Variants in GFAP observed in about 807,000 individuals in gnomAD.
The protein encoded by GFAP is intermediate filament protein.
GFAP carries 38 observed loss-of-function variants against 49.3 expected under a neutral mutation model. The ratio of observed to expected loss-of-function variants is 0.77; its 90% CI spans 0.60 to 1.01. GFAP has a LOEUF of 1.01. Ranked by LOEUF, GFAP falls within the 50% of genes least tolerant of loss-of-function variation. The pLI is 0.00. For synonymous variants in GFAP, 222 were observed against 236.4 expected (o/e 0.94, Z 0.56); for missense variants, 463 against 579.1 (o/e 0.80, Z 2.06).
At position 44,903,789 on chromosome 17, in the gene GFAP, C is replaced by A. The variant is rs984874147; in HGVS notation, c.*3558G>T. On this transcript the variant is annotated 3_prime_UTR_variant, in exon 9 of 9. Transcript: ENST00000588735. ...AGGAGCCCTATGAGCCTTTAATGCCCTGGTTTTGCCCTGCCCCTCTGACCC... is the reference window on the plus strand; with the variant it reads ...AGGAGCCCTATGAGCCTTTAATGCCATGGTTTTGCCCTGCCCCTCTGACCC... The A allele has an allele frequency of 2.1e-5, 32 of 1,517,014 alleles. No individual in the cohort carries two copies. The highest frequency in any genetic ancestry group is 2.8e-5 in the Non-Finnish European group (32 of 1,130,748). 94.0% of individuals were successfully genotyped at this position (1,517,014 alleles called of 1,614,324 possible).
chr17:44,909,017 C>T (rs1448769472), intron 7 of GFAP: 2 of 152,122 alleles, frequency 1.3e-5, no homozygotes, highest in African/African-American at 4.8e-5. Context: ...ACGAGAATTG[C>T]TTGAACCTGG....
chr17:44,905,528 G>T lies in GFAP; in HGVS notation c.*1819C>A. The stretch of plus-strand genomic sequence containing the variant: ...CGGGTGGAATTTGGTGAGGGCATGG[G>T]CCCCAGAGATGATCAGTAATAAGAA... On this transcript the variant is annotated 3_prime_UTR_variant, in exon 9 of 9. Transcript: ENST00000588735. 5.8e-6 allele frequency: 1 copy of T among 173,884 alleles called. No homozygotes were observed. 10.8% of individuals were successfully genotyped at this position (173,884 alleles called of 1,614,324 possible).
chr17:44,903,552 C>T lies in GFAP; in HGVS notation c.*3795G>A. 7.3e-7 allele frequency: 1 copy of T among 1,361,326 alleles called. No homozygotes were observed. Among genetic ancestry groups the T allele is most frequent in the South Asian group, 2.0e-5 (1 of 49,402 alleles). 84.3% of individuals were successfully genotyped at this position (1,361,326 alleles called of 1,614,324 possible). Reference sequence around the variant, plus strand: ...CCTTTGACCCATTCTTGGGTGAGCGCCAGTGTTCTAGAAAGGGGAGTAAAG... The same window carrying T: ...CCTTTGACCCATTCTTGGGTGAGCGTCAGTGTTCTAGAAAGGGGAGTAAAG... On this transcript the variant is annotated 3_prime_UTR_variant, in exon 9 of 9. Transcript: ENST00000588735.
chr17:44,904,314 A>G lies in GFAP; in HGVS notation c.*3033T>C, dbSNP rs1400247022. 1 of 1,545,348 alleles carries G rather than the reference A, an allele frequency of 6.5e-7. No homozygotes were observed. Among genetic ancestry groups the G allele is most frequent in the African/African-American group, 1.4e-5 (1 of 72,942 alleles). ...GGCCAGGAGCCCTTTGCAGATGAAT[A>G]CTATGGGCACCTCCATGTCTTCACC... is the stretch of plus-strand genomic sequence containing the variant. On this transcript the variant is annotated 3_prime_UTR_variant, in exon 9 of 9. Coordinates refer to ENST00000588735, the MANE Select transcript of GFAP (RefSeq NM_002055.5).
At chr17:44,912,082 C>T (rs1283130902) in intron 4 of GFAP, among the ~76,000 whole-genome samples, 2 of 152,032 alleles carry the variant, frequency 1.3e-5, no homozygotes, top group African/African-American at 4.8e-5. Context: ...TCGTCTTAGG[C>T]GAGCGGAGGC....
chr17:44,915,127 C>T lies in GFAP; in HGVS notation c.360G>A (p.Leu120=). 6.2e-7 allele frequency: 1 copy of T among 1,614,106 alleles called. No homozygotes were observed. Among genetic ancestry groups the T allele is most frequent in the Non-Finnish European group, 8.5e-7 (1 of 1,180,030 alleles). Residue 120 remains leucine, a synonymous_variant, in exon 1 of 9, where the codon CTG becomes CTA. Transcript: ENST00000588735. This position sits in a 1 kb window ranked among gnomAD's most constrained non-coding sequence, Gnocchi z 4.1. ...GATCGAGCCGCAGCCGCAGCTCTCGCAGCTCAGCCTGGTAGACGTCTGCCA... is the reference window on the plus strand; with the variant it reads ...GATCGAGCCGCAGCCGCAGCTCTCGTAGCTCAGCCTGGTAGACGTCTGCCA... ...TKLADVYQAE[L]RELRLRLDQL... is the part of the protein sequence containing the mutation.
chr17:44,909,655 C>T (rs369563017), intron 7 of GFAP: 8 of 230,382 alleles, frequency 3.5e-5, no homozygotes, highest in East Asian at 4.4e-4. Flanking sequence ...AAATATAACA[C>T]GTCACATTCA....
At position 44,904,401 on chromosome 17, in the gene GFAP, G is replaced by C; in HGVS notation, c.*2946C>G. ...GTGCGTGGGGAGCAGTGGCGCATCG[G>C]CCTCTGCTACCTGCAGAGCCCAGAC... On this transcript the variant is annotated 3_prime_UTR_variant, in exon 9 of 9. Coordinates refer to ENST00000588735, the MANE Select transcript of GFAP (RefSeq NM_002055.5). The C allele has an allele frequency of 6.5e-7, 1 of 1,542,428 alleles. No homozygotes were observed. Among genetic ancestry groups the C allele is most frequent in the Non-Finnish European group, 8.8e-7 (1 of 1,140,954 alleles).
intron 6 of GFAP, 132 bp from the exon 7 acceptor site, chr17:44,910,790 T>G: frequency 7.5e-7 from 1 of 1,341,424 alleles, no homozygotes; most frequent in Non-Finnish European, 1.0e-6. Flanking sequence ...ATCTCCTAGC[T>G]TTTTCCCCAG....
In GFAP at chr17:44,913,602, C is replaced by T. The variant is rs560338517; in HGVS notation, c.618+126G>A. 5.1e-4 allele frequency: 533 copies of T among 1,038,432 alleles called. 3 individuals are homozygous for T. Among genetic ancestry groups the T allele is most frequent in the Admixed American group, 1.2e-4 (7 of 59,192 alleles). 64.3% of individuals were successfully genotyped at this position (1,038,432 alleles called of 1,614,324 possible). On this transcript the variant is annotated intron_variant, in intron 3 of 8. Transcript: ENST00000588735. Reference sequence around the variant, plus strand: ...GTTTGTCTTTCATTTCCTGTCTCTACCTGCCAATCTCTGTTTCTCTCCTCT... The same window carrying T: ...GTTTGTCTTTCATTTCCTGTCTCTATCTGCCAATCTCTGTTTCTCTCCTCT...
rs754484687 is a variant in GFAP at position 44,915,384 on chromosome 17, T to C, written c.103A>G (p.Thr35Ala). Reference sequence around the variant, plus strand: ...GGCATTCGAGCCAGGGAGAGGCGGGTGCCAGGACCCAGACGGCGGCCAGGA... The same window carrying C: ...GGCATTCGAGCCAGGGAGAGGCGGGCGCCAGGACCCAGACGGCGGCCAGGA... ...LAPGRRLGPG[T>A]RLSLARMPPP... Residue 35 changes from threonine (T) to alanine (A), a missense_variant, in exon 1 of 9, where the codon ACC becomes GCC. Coordinates refer to ENST00000588735, the MANE Select transcript of GFAP (RefSeq NM_002055.5). This position sits in a 1 kb window ranked among gnomAD's most constrained non-coding sequence, Gnocchi z 4.1. 1.9e-6 allele frequency: 3 copies of C among 1,599,152 alleles called. No homozygotes were observed. Among genetic ancestry groups the C allele is most frequent in the Non-Finnish European group, 1.7e-6 (2 of 1,173,020 alleles).
chr17:44,913,956 G>A (rs1329780732), intron 2 of GFAP, 72 bp downstream of exon 2: 1 of 1,323,274 alleles, frequency 7.6e-7, no homozygotes, highest in Non-Finnish European at 1.1e-6. Flanking sequence ...GGCTGAGCTT[G>A]GGGGCTGTGT....
chr17:44,907,839 C>A, intron 8 of GFAP: 1 of 641,428 alleles, frequency 1.6e-6, no homozygotes, highest in Non-Finnish European at 2.8e-6. Context: ...GTATTAGGAT[C>A]CCATCTAGTG....
At position 44,911,383 on chromosome 17, in the gene GFAP, G is replaced by A; in HGVS notation, c.980C>T (p.Ala327Val). 1.2e-6 allele frequency: 2 copies of A among 1,614,020 alleles called. No homozygotes were observed. The highest frequency in any genetic ancestry group is 1.7e-6 in the Non-Finnish European group (2 of 1,179,986). The change falls in exon 6 of 9, where the codon GCG (alanine) becomes GTG (valine). Residue 327 changes from alanine to valine, a missense_variant. Coordinates refer to ENST00000588735, the MANE Select transcript of GFAP (RefSeq NM_002055.5). ...HVREAASYQE[A>V]LARLEEEGQS... ...CCCCTCTTCCTCCAGCCGCGCCAGCGCCTCCTGATAACTGGCCGCCTCCCG... is the reference window on the plus strand; with the variant it reads ...CCCCTCTTCCTCCAGCCGCGCCAGCACCTCCTGATAACTGGCCGCCTCCCG...
At chr17:44,914,559 T>C in intron 1 of GFAP, 1 of 218,550 alleles carries the variant, frequency 4.6e-6, no homozygotes, top group East Asian at 1.2e-4. Context: ...CACAAGCTGG[T>C]GGCAGGCAGT....
At chr17:44,914,178 G>T in intron 1 of GFAP, 90 bp from the exon 2 acceptor site, 1 of 893,956 alleles carries the variant, frequency 1.1e-6, no homozygotes, top group Non-Finnish European at 1.8e-6. Context: ...CTGTCACAGA[G>T]ACCACCCCCA....
At position 44,903,273 on chromosome 17, in the gene GFAP, A is replaced by C. The variant is rs1204374317; in HGVS notation, c.*4074T>G. On this transcript the variant is annotated 3_prime_UTR_variant, in exon 9 of 9. Coordinates refer to ENST00000588735, the MANE Select transcript of GFAP (RefSeq NM_002055.5). ...GGACATGTAATCAACAAATGATCAA[A>C]TACTACATCATTTGAGGTGTTGAAT... 1 of 1,249,010 alleles carries C rather than the reference A, an allele frequency of 8.0e-7. No homozygotes were observed. The highest frequency in any genetic ancestry group is 1.0e-6 in the Non-Finnish European group (1 of 997,828). 77.4% of individuals were successfully genotyped at this position (1,249,010 alleles called of 1,614,324 possible). A position where few individuals can be genotyped will look rare whatever the true frequency, so the allele number is the denominator to read the frequency against.
intron 1 of GFAP, chr17:44,914,740 T>C (rs2051866520): frequency 8.0e-6 from 4 of 497,422 alleles, no homozygotes; most frequent in Non-Finnish European, 1.1e-5. Flanking sequence ...CAGCCATGAA[T>C]GAAACACAGG....
In GFAP at chr17:44,911,427, C is replaced by T. The variant is rs1064797223; in HGVS notation, c.936G>A (p.Glu312=). The part of the protein sequence containing the change: ...TNESLERQMR[E]QEERHVREAA... ...CCTCCCGCACGTGCCGCTCCTCCTG[C>T]TCGCGCATCTGCCTCTCCAGGGACT... The change falls in exon 6 of 9, where the codon GAG becomes GAA. Residue 312 remains glutamate (E), a synonymous_variant. Transcript: ENST00000588735. The T allele has an allele frequency of 6.2e-7, 1 of 1,611,362 alleles. No homozygotes were observed.
Sources: allele counts gnomAD v4.1 joint callset (sites outside exome capture counted in the v4.1 genomes callset), GRCh38; gene constraint gnomAD v4.1.1; non-coding constraint Gnocchi (gnomAD v3.1); transcripts MANE v1.5; gene names NCBI Gene and HGNC (gene_info 2026-07-23, HGNC 2026-07-21).